DNAH11: variants seen among roughly 807,000 people sequenced by gnomAD.
The protein encoded by DNAH11 is axonemal beta dynein heavy chain 11.
A neutral mutation model predicts 526.0 loss-of-function variants in DNAH11; 442 were observed. That is an observed-to-expected ratio of 0.84 (90% CI 0.78 to 0.91). The LOEUF is 0.91. DNAH11 is among the 40% of genes least tolerant of loss of function. The probability of loss-of-function intolerance (pLI) is 0.00; values close to 1 mark genes in which losing one functional copy is unlikely to be tolerated. For synonymous variants in DNAH11, 2,461 were observed against 1,935.9 expected (o/e 1.27, Z -7.12); for missense variants, 6,989 against 5,448.7 (o/e 1.28, Z -8.90).
chr7:21,812,312 T>C (rs570670867), intron 63 of DNAH11, among the ~76,000 whole-genome samples: 1 of 152,164 alleles, frequency 6.6e-6, no homozygotes, highest in African/African-American at 2.4e-5. Flanking sequence ...TGATTTGGGT[T>C]GACTTGCAGG....
At chr7:21,601,656 T>C (rs773030029) in intron 18 of DNAH11, 38 bp downstream of exon 18, 51 of 1,431,116 alleles carry the variant, frequency 3.6e-5, no homozygotes, top group Non-Finnish European at 4.6e-5. Flanking sequence ...TTACCATAAA[T>C]TGAGCATCTC....
intron 74 of DNAH11, among the ~76,000 whole-genome samples, chr7:21,873,934 C>T (rs1239772225): frequency 6.6e-6 from 1 of 151,394 alleles, no homozygotes; most frequent in African/African-American, 2.4e-5. Context: ...GTGATTACAG[C>T]TGCATACCAC....
chr7:21,630,287 T>C (rs1786544701), intron 25 of DNAH11, among the ~76,000 whole-genome samples: 1 of 152,202 alleles, frequency 6.6e-6, no homozygotes, highest in Non-Finnish European at 1.5e-5. Flanking sequence ...AACCGTTTGC[T>C]GTAGCTATTG....
chr7:21,625,859 T>C (rs1190985149), intron 25 of DNAH11, among the ~76,000 whole-genome samples: 1 of 152,162 alleles, frequency 6.6e-6, no homozygotes, highest in Non-Finnish European at 1.5e-5. Flanking sequence ...ATTGGAAAAA[T>C]ACTTGATGTT....
chr7:21,768,176 A>T (rs1227134181), intron 55 of DNAH11, among the ~76,000 whole-genome samples: 1 of 152,160 alleles, frequency 6.6e-6, no homozygotes, highest in East Asian at 1.9e-4. Flanking sequence ...CTCCAAGGAG[A>T]TTTTGAAATG....
At chr7:21,898,438 C>T (rs1297485614) in intron 79 of DNAH11, among the ~76,000 whole-genome samples, 2 of 152,138 alleles carry the variant, frequency 1.3e-5, no homozygotes, top group Non-Finnish European at 2.9e-5. Flanking sequence ...TGTGGTTTGT[C>T]AGGGTGTTTC....
chr7:21,826,826 G>A (rs1433302383), intron 65 of DNAH11, among the ~76,000 whole-genome samples: 1 of 152,130 alleles, frequency 6.6e-6, no homozygotes, highest in African/African-American at 2.4e-5. Flanking sequence ...AAAGTTTTTG[G>A]CTATCAATAG....
At position 21,808,839 on chromosome 7, in the gene DNAH11, A is replaced by G. The variant is rs1789386009; in HGVS notation, c.10332+790A>G. On this transcript the variant is annotated intron_variant, in intron 63 of 81. Transcript: ENST00000409508. Reference sequence around the variant, plus strand: ...TGGCTATTGTGAATAGTGATGCAGTAAACATAGGAGTGCAGGTACCTCTTT... The same window carrying G: ...TGGCTATTGTGAATAGTGATGCAGTGAACATAGGAGTGCAGGTACCTCTTT... Among the ~76,000 whole-genome samples, 3 of 152,200 alleles carry G rather than the reference A, an allele frequency of 2.0e-5. No individual in the cohort carries two copies. The South Asian group carries it at 6.2e-4, about 32-fold the overall frequency.
At chr7:21,896,319 C>T (rs1784514298) in intron 79 of DNAH11, among the ~76,000 whole-genome samples, 3 of 152,062 alleles carry the variant, frequency 2.0e-5, no homozygotes. Flanking sequence ...TGAAACTGTC[C>T]TCACTGCACT....
chr7:21,635,731 A>C (rs796662779), intron 25 of DNAH11, 140 bp from the exon 26 acceptor site: 17 of 591,734 alleles, frequency 2.9e-5, no homozygotes, highest in African/African-American at 2.8e-4. Flanking sequence ...TTTAGCAAAA[A>C]CTTATTAAAT....
intron 61 of DNAH11, among the ~76,000 whole-genome samples, chr7:21,790,854 T>C (rs1001278106): frequency 6.6e-6 from 1 of 152,274 alleles, no homozygotes; most frequent in Non-Finnish European, 1.5e-5. Context: ...GCATAGGCTT[T>C]CTTTGCCTTT....
At chr7:21,708,192 C>G (rs190938661) in intron 40 of DNAH11, among the ~76,000 whole-genome samples, 74 of 152,228 alleles carry the variant, frequency 4.9e-4, no homozygotes, top group African/African-American at 1.5e-3. Flanking sequence ...GTGCCAGGGA[C>G]AAAAGTCAGT....
intron 70 of DNAH11, among the ~76,000 whole-genome samples, chr7:21,865,204 T>C (rs2128033150): frequency 6.6e-6 from 1 of 152,212 alleles, no homozygotes; most frequent in East Asian, 1.9e-4. Context: ...TCTTCCAGGA[T>C]CTGGAGTATC....
At chr7:21,592,063 A>AC (rs1562685230) in intron 14 of DNAH11, among the ~76,000 whole-genome samples, 3 of 151,932 alleles carry the variant, frequency 2.0e-5, no homozygotes, top group African/African-American at 7.3e-5. Flanking sequence ...AAACAGAAAA[A>AC]AAACACACAC....
At chr7:21,894,100 G>C (rs539102741) in intron 77 of DNAH11, among the ~76,000 whole-genome samples, 7 of 152,292 alleles carry the variant, frequency 4.6e-5, no homozygotes, top group African/African-American at 1.7e-4. Flanking sequence ...TGTTGGCCAG[G>C]CTGGTCTCGA....
At chr7:21,622,977 T>C (rs1455508386) in intron 25 of DNAH11, among the ~76,000 whole-genome samples, 2 of 152,138 alleles carry the variant, frequency 1.3e-5, no homozygotes, top group Non-Finnish European at 2.9e-5. Flanking sequence ...TGGGATCTAA[T>C]TAAACTGAAG....
intron 28 of DNAH11, among the ~76,000 whole-genome samples, chr7:21,647,291 G>A (rs62447805): frequency 2.0e-5 from 3 of 151,976 alleles, no homozygotes; most frequent in African/African-American, 7.2e-5. Flanking sequence ...GCTCAGATTG[G>A]TCAAAACAAT....
At chr7:21,691,172 T>C (rs1279265038) in intron 35 of DNAH11, among the ~76,000 whole-genome samples, 1 of 73,670 alleles carries the variant, frequency 1.4e-5, no homozygotes, top group Non-Finnish European at 2.1e-5. Flanking sequence ...TCATAATTTT[T>C]TTTTTCTTTT....
intron 28 of DNAH11, among the ~76,000 whole-genome samples, chr7:21,642,757 T>C (rs1332470496): frequency 6.6e-6 from 1 of 152,150 alleles, no homozygotes; most frequent in African/African-American, 2.4e-5. Flanking sequence ...AGTGAGAGTT[T>C]CTGCAGTTAA....
Sources: gnomAD v4.1 joint callset for allele counts (sites outside exome capture counted in the v4.1 genomes callset) on GRCh38, gnomAD v4.1.1 for gene constraint, MANE v1.5 for transcripts, NCBI Gene and HGNC (gene_info 2026-07-23, HGNC 2026-07-21) for gene names.